CAMK4: variants seen among roughly 807,000 people sequenced by gnomAD.
CAMK4 encodes the protein calcium/calmodulin-dependent protein kinase type IV.
In CAMK4, 22 loss-of-function variants were observed where a neutral mutation model predicts 44.9. The observed-to-expected ratio is 0.49, with a 90% CI of 0.35 to 0.70. The LOEUF is 0.70. Among genes scored for constraint, CAMK4 ranks in the 30% least tolerant of loss-of-function variants. The probability of loss-of-function intolerance (pLI) is 0.01; values close to 1 mark genes in which losing one functional copy is unlikely to be tolerated. For missense variants in CAMK4, 498 were observed against 586.8 expected (o/e 0.85, Z 1.56); for synonymous variants, 218 against 215.4 (o/e 1.01, Z -0.11).
At chr5:111,232,153 G>A (rs570457308) in intron 1 of CAMK4, among the ~76,000 whole-genome samples, 4 of 152,286 alleles carry the variant, frequency 2.6e-5, no homozygotes, top group South Asian at 2.1e-4. Flanking sequence ...TGTGCATGTG[G>A]TGGGGTAAGG....
intron 4 of CAMK4, 115 bp from the exon 5 acceptor site, chr5:111,394,595 G>T (rs984252019): frequency 6.4e-5 from 42 of 659,988 alleles, no homozygotes; most frequent in Admixed American, 1.0e-4. Flanking sequence ...TAGTATGGTA[G>T]CTTGTTTCAA....
intron 2 of CAMK4, among the ~76,000 whole-genome samples, chr5:111,363,683 T>G (rs998062154): frequency 2.6e-5 from 4 of 151,190 alleles, no homozygotes; most frequent in African/African-American, 9.7e-5. Flanking sequence ...ATGAACCAAG[T>G]GAAAAAAGAG....
At chr5:111,331,037 T>C (rs754709648) in intron 1 of CAMK4, among the ~76,000 whole-genome samples, 4 of 151,810 alleles carry the variant, frequency 2.6e-5, no homozygotes, top group Admixed American at 6.6e-5. Context: ...ACTAGGATAA[T>C]ATCTTTATGA....
intron 1 of CAMK4, among the ~76,000 whole-genome samples, chr5:111,294,995 A>G (rs1454236825): frequency 6.6e-6 from 1 of 152,240 alleles, no homozygotes; most frequent in Non-Finnish European, 1.5e-5. Flanking sequence ...TTCTTTACAT[A>G]AAACATCGAG....
intron 5 of CAMK4, among the ~76,000 whole-genome samples, chr5:111,408,836 T>C (rs762727953): frequency 6.6e-6 from 1 of 152,176 alleles, no homozygotes; most frequent in Non-Finnish European, 1.5e-5. Flanking sequence ...ACAGGCCCCA[T>C]GCAAGTCTGA....
chr5:111,339,739 A>AT (rs1009889880), intron 1 of CAMK4, among the ~76,000 whole-genome samples: 5 of 150,444 alleles, frequency 3.3e-5, no homozygotes, highest in African/African-American at 7.3e-5. Context: ...GAATTTCGGA[A>AT]TTTTTTTTTA....
At chr5:111,328,205 A>G (rs1458183223) in intron 1 of CAMK4, among the ~76,000 whole-genome samples, 1 of 150,112 alleles carries the variant, frequency 6.7e-6, no homozygotes. Context: ...TAAGGAAGGG[A>G]TCCAGTTTCA....
rs1561389012 is a variant in CAMK4, at chr5:111,290,836, G to GTT, written c.162-53186_162-53185dup. Among the ~76,000 whole-genome samples the GTT allele has an allele frequency of 6.6e-6, 1 of 152,278 alleles. No individual in the cohort carries two copies. Among genetic ancestry groups the GTT allele is most frequent in the Non-Finnish European group, 1.5e-5 (1 of 68,024 alleles). ...GTAGAAAATCACACGTCTCTTGGAGGTTTATTTAAAAGTGAATATGTAAAA... is the reference window on the plus strand; with the variant it reads ...GTAGAAAATCACACGTCTCTTGGAGGTTTTTATTTAAAAGTGAATATGTAAAA... On this transcript the variant is annotated intron_variant, in intron 1 of 10. Coordinates refer to ENST00000282356, the MANE Select transcript of CAMK4 (RefSeq NM_001744.6). The surrounding 1 kb of genome is among the most constrained non-coding windows in gnomAD (Gnocchi z 4.5).
intron 1 of CAMK4, among the ~76,000 whole-genome samples, chr5:111,282,352 A>T (rs896339138): frequency 6.6e-6 from 1 of 152,244 alleles, no homozygotes; most frequent in African/African-American, 2.4e-5. Context: ...CAGTCCCATT[A>T]ACTACTGGTA....
chr5:111,300,670 C>T (rs566870710), intron 1 of CAMK4, among the ~76,000 whole-genome samples: 1 of 152,220 alleles, frequency 6.6e-6, no homozygotes, highest in East Asian at 1.9e-4. Context: ...TGCCAAACTT[C>T]ACACCGCTTT....
In CAMK4 at chr5:111,224,386, C is replaced by T; in HGVS notation, c.-98C>T. 2.1e-6 allele frequency: 3 copies of T among 1,434,696 alleles called. No homozygotes were observed. The highest frequency in any genetic ancestry group is 2.8e-5 in the Admixed American group (1 of 36,144). 88.9% of individuals were successfully genotyped at this position (1,434,696 alleles called of 1,614,324 possible). A position where few individuals can be genotyped will look rare whatever the true frequency, so the allele number is the denominator to read the frequency against. The stretch of plus-strand genomic sequence containing the variant: ...TGCGCGCGTGAAGGACGCCGCCTCT[C>T]TCTCGCTCCTGCGTTCGCAGGCGGC... On this transcript the variant is annotated 5_prime_UTR_variant, in exon 1 of 11. Transcript: ENST00000282356. The surrounding 1 kb of genome is among the most constrained non-coding windows in gnomAD (Gnocchi z 5.7).
chr5:111,464,418 G>T (rs1326978384), intron 7 of CAMK4, among the ~76,000 whole-genome samples: 1 of 152,184 alleles, frequency 6.6e-6, no homozygotes, highest in African/African-American at 2.4e-5. Context: ...ATATTTGTGG[G>T]AATAGTTGAG....
intron 8 of CAMK4, among the ~76,000 whole-genome samples, chr5:111,475,007 T>C (rs1374653168): frequency 5.3e-5 from 8 of 151,808 alleles, no homozygotes; most frequent in Non-Finnish European, 8.8e-5. Flanking sequence ...ACTAAAAATA[T>C]AAAAAATTAG....
At chr5:111,275,875 A>T (rs556455069) in intron 1 of CAMK4, among the ~76,000 whole-genome samples, 1 of 152,180 alleles carries the variant, frequency 6.6e-6, no homozygotes, top group South Asian at 2.1e-4. Flanking sequence ...ATGTATAAAA[A>T]GAGTCACATA....
At chr5:111,396,210 C>T (rs1752000283) in intron 5 of CAMK4, among the ~76,000 whole-genome samples, 1 of 152,100 alleles carries the variant, frequency 6.6e-6, no homozygotes, top group South Asian at 2.1e-4. Context: ...TTTTAATTGG[C>T]TTTATAGCCC....
chr5:111,401,829 G>T (rs1044299053), intron 5 of CAMK4, among the ~76,000 whole-genome samples: 5 of 152,178 alleles, frequency 3.3e-5, no homozygotes, highest in African/African-American at 1.2e-4. Context: ...AAAACATAGA[G>T]GATTGAAGGA....
At chr5:111,291,023 C>T (rs542259489) in intron 1 of CAMK4, among the ~76,000 whole-genome samples, 2 of 152,222 alleles carry the variant, frequency 1.3e-5, no homozygotes, top group East Asian at 3.9e-4. Context: ...TTTGTGTATA[C>T]ATAAGATTGA....
intron 7 of CAMK4, among the ~76,000 whole-genome samples, chr5:111,451,429 C>G (rs1041052410): frequency 5.9e-5 from 9 of 152,114 alleles, no homozygotes; most frequent in Non-Finnish European, 8.8e-5. Flanking sequence ...TCCCAAGTAG[C>G]TGGGATTCCA....
chr5:111,472,368 C>A (rs1012397161), intron 7 of CAMK4, among the ~76,000 whole-genome samples: 2 of 152,170 alleles, frequency 1.3e-5, no homozygotes, highest in African/African-American at 4.8e-5. Flanking sequence ...TCTTCAAGTA[C>A]GCTGCTGGCA....
Sources: allele counts gnomAD v4.1 joint callset (sites outside exome capture counted in the v4.1 genomes callset), GRCh38; gene constraint gnomAD v4.1.1; non-coding constraint Gnocchi (gnomAD v3.1); transcripts MANE v1.5; gene names NCBI Gene and HGNC (gene_info 2026-07-23, HGNC 2026-07-21).